Variants in PPP1R21 observed in about 807,000 individuals in gnomAD.
PPP1R21 encodes KLRAQ motif containing 1.
A neutral mutation model predicts 112.8 loss-of-function variants in PPP1R21; 85 were observed. That is an observed-to-expected ratio of 0.75 (90% CI 0.63 to 0.90). The LOEUF (loss-of-function observed/expected upper bound fraction) is 0.90, where lower values mean the gene tolerates loss of function less well. Ranked by LOEUF, PPP1R21 falls within the 40% of genes least tolerant of loss-of-function variation. PPP1R21 has a pLI of 0.00. For missense variants in PPP1R21, 1,199 were observed against 901.5 expected, an observed-to-expected ratio of 1.33 and a Z score of -4.23; for synonymous variants, 381 against 322.3, an observed-to-expected ratio of 1.18 and a Z score of -1.95.
At chr2:48,476,710 A>G (rs113972151) in intron 12 of PPP1R21, among the ~76,000 whole-genome samples, 51 of 152,284 alleles carry the variant, frequency 3.3e-4, no homozygotes, top group African/African-American at 1.2e-3. Context: ...GATGTTGACT[A>G]TCTTTTAATG....
intron 7 of PPP1R21, among the ~76,000 whole-genome samples, chr2:48,462,751 G>A (rs1260343600): frequency 6.6e-6 from 1 of 152,126 alleles, no homozygotes; most frequent in African/African-American, 2.4e-5. Flanking sequence ...TTTGAGCCAG[G>A]GAACATCATG....
intron 4 of PPP1R21, among the ~76,000 whole-genome samples, chr2:48,459,272 C>T (rs1173909249): frequency 6.6e-6 from 1 of 151,876 alleles, no homozygotes; most frequent in Admixed American, 6.6e-5. Flanking sequence ...ATTCACAATT[C>T]TTTATTAGTA....
intron 11 of PPP1R21, among the ~76,000 whole-genome samples, chr2:48,471,623 T>C (rs551486819): frequency 6.6e-5 from 10 of 152,356 alleles, no homozygotes; most frequent in African/African-American, 2.2e-4. Context: ...CCCTTTGCAG[T>C]TAACACCTAG....
intron 18 of PPP1R21, among the ~76,000 whole-genome samples, chr2:48,506,673 C>T (rs1169486060): frequency 1.2e-4 from 19 of 152,006 alleles, no homozygotes; most frequent in East Asian, 3.9e-4. Flanking sequence ...TGGGTGGGCG[C>T]GGTGGCTCAC....
intron 1 of PPP1R21, among the ~76,000 whole-genome samples, chr2:48,442,529 G>C (rs931472315): frequency 1.1e-4 from 17 of 152,210 alleles, no homozygotes; most frequent in African/African-American, 3.9e-4. Context: ...CCTTTGAGCA[G>C]TCTGCCAGGG....
chr2:48,444,663 C>T (rs1667171805), intron 1 of PPP1R21, among the ~76,000 whole-genome samples: 1 of 152,188 alleles, frequency 6.6e-6, no homozygotes, highest in South Asian at 2.1e-4. Flanking sequence ...ACAACATCAT[C>T]TGGGAATGGG....
At chr2:48,456,118 A>G (rs1667715831) in intron 3 of PPP1R21, among the ~76,000 whole-genome samples, 1 of 151,560 alleles carries the variant, frequency 6.6e-6, no homozygotes, top group African/African-American at 2.4e-5. Flanking sequence ...TTACGAGGCC[A>G]GTTTGGTGTT....
intron 17 of PPP1R21, among the ~76,000 whole-genome samples, chr2:48,499,546 A>T (rs967357060): frequency 6.6e-6 from 1 of 152,170 alleles, no homozygotes; most frequent in Non-Finnish European, 1.5e-5. Context: ...GCATAGTGAG[A>T]CCCTGTGTCT....
rs993376088 is a variant in PPP1R21, at chr2:48,510,016, G to A, written c.2087G>A (p.Cys696Tyr). Reference protein sequence around the residue: ...DSKSVHFYAECRALSKRLALA... With the variant: ...DSKSVHFYAEYRALSKRLALA... ...ATGGAATGTTTTCTGATTTTACAGT[G>A]CCGAGCACTGTCTAAAAGACTGGCC... Residue 696 changes from cysteine (C) to tyrosine (Y), a missense_variant and splice_region_variant, in exon 20 of 22, where the codon TGC becomes TAC. By Grantham distance (194) the Cys-to-Tyr change is radical. Transcript: ENST00000294952. 2.7e-5 allele frequency: 44 copies of A among 1,611,502 alleles called. No individual in the cohort carries two copies. The highest frequency in any genetic ancestry group is 8.5e-6 in the Non-Finnish European group (10 of 1,178,340).
At chr2:48,464,721 G>T (rs908891227) in intron 7 of PPP1R21, among the ~76,000 whole-genome samples, 1 of 151,896 alleles carries the variant, frequency 6.6e-6, no homozygotes, top group African/African-American at 2.4e-5. Flanking sequence ...GATTTGTTTG[G>T]GTTTTTTTTA....
intron 3 of PPP1R21, 56 bp downstream of exon 3, chr2:48,454,797 C>CA: frequency 7.4e-7 from 1 of 1,353,920 alleles, no homozygotes; most frequent in South Asian, 1.2e-5. Context: ...CTGACACCTA[C>CA]AGGGCATCCT....
chr2:48,457,024 C>T (rs1273666447), intron 3 of PPP1R21, among the ~76,000 whole-genome samples: 1 of 151,918 alleles, frequency 6.6e-6, no homozygotes, highest in Non-Finnish European at 1.5e-5. Context: ...TGCACTCCAG[C>T]CTGGGCGACA....
intron 7 of PPP1R21, among the ~76,000 whole-genome samples, chr2:48,463,858 T>G (rs2103813706): frequency 6.6e-6 from 1 of 151,830 alleles, no homozygotes; most frequent in South Asian, 2.1e-4. Flanking sequence ...CTCTTTTGCT[T>G]TGGCTGTGAT....
At chr2:48,468,623 G>A (rs778670268) in intron 9 of PPP1R21, among the ~76,000 whole-genome samples, 4 of 151,988 alleles carry the variant, frequency 2.6e-5, no homozygotes, top group Non-Finnish European at 5.9e-5. Flanking sequence ...GACCAGCCTG[G>A]GCAACATGGT....
chr2:48,512,727 GT>G (rs1310867227), intron 21 of PPP1R21, among the ~76,000 whole-genome samples: 1 of 152,170 alleles, frequency 6.6e-6, no homozygotes, highest in Non-Finnish European at 1.5e-5. Context: ...TTTCTGGGCT[GT>G]TTCTGTGATT....
chr2:48,485,995 TATATA>T (rs1309736132), intron 13 of PPP1R21, among the ~76,000 whole-genome samples: 1 of 148,278 alleles, frequency 6.7e-6, no homozygotes, highest in Non-Finnish European at 1.5e-5. Context: ...TATACAATTA[TATATA>T]ATATAATTAA....
At chr2:48,500,461 C>T (rs1670058716) in intron 17 of PPP1R21, among the ~76,000 whole-genome samples, 1 of 151,700 alleles carries the variant, frequency 6.6e-6, no homozygotes, top group South Asian at 2.1e-4. Flanking sequence ...AAAAAAGAAT[C>T]ATTGTTTGTT....
rs1208133130 is a variant in PPP1R21 at position 48,464,996 on chromosome 2, G to A, written c.747+7G>A. 6 of 1,556,652 alleles carry A rather than the reference G, an allele frequency of 3.9e-6. No homozygotes were observed. In the South Asian group the frequency reaches 6.1e-5, roughly 16 times the overall value. ...CCACAATAGGAGACACCAGGTAAAG[G>A]ATGAAGTACATGTTTTTATTTTCAG... On this transcript the variant is annotated splice_region_variant and intron_variant, in intron 8 of 21. Transcript: ENST00000294952.
At chr2:48,492,341 C>G (rs1273887112) in intron 15 of PPP1R21, among the ~76,000 whole-genome samples, 4 of 151,914 alleles carry the variant, frequency 2.6e-5, no homozygotes, top group Non-Finnish European at 5.9e-5. Flanking sequence ...TTCTCCTTTT[C>G]TCTTTTCTTG....
Sources: gnomAD v4.1 joint callset for allele counts (sites outside exome capture counted in the v4.1 genomes callset) on GRCh38, gnomAD v4.1.1 for gene constraint, MANE v1.5 for transcripts, NCBI Gene and HGNC (gene_info 2026-07-23, HGNC 2026-07-21) for gene names.